The following RAB18 variants were observed in gnomAD, a reference collection of about 807,000 sequenced individuals.
RAB18 encodes RAB18, member RAS oncogene family.
RAB18 carries 10 observed loss-of-function variants against 28.5 expected under a neutral mutation model. The observed-to-expected ratio is 0.35, with a 90% CI of 0.22 to 0.60. RAB18 has a LOEUF of 0.60. Ranked by LOEUF, RAB18 falls within the 20% of genes least tolerant of loss-of-function variation. The pLI is 0.78. For missense variants in RAB18, 188 were observed against 244.2 expected (o/e 0.77, Z 1.53); for synonymous variants, 93 against 86.9 (o/e 1.07, Z -0.39).
At chr10:27,504,638 C>T (rs1172258685) in intron 1 of RAB18, 4 of 754,860 alleles carry the variant, frequency 5.3e-6, no homozygotes, top group South Asian at 4.4e-5. Flanking sequence ...TGGTTCCCGG[C>T]CTTTGCCAGG....
At chr10:27,537,599 TA>T (rs1196052211) in intron 6 of RAB18, among the ~76,000 whole-genome samples, 1 of 152,238 alleles carries the variant, frequency 6.6e-6, no homozygotes, top group Non-Finnish European at 1.5e-5. Flanking sequence ...GCTATTTAAG[TA>T]GGGCTTTACA....
chr10:27,507,886 T>TAAA (rs2138965781), intron 1 of RAB18, among the ~76,000 whole-genome samples: 1 of 151,364 alleles, frequency 6.6e-6, no homozygotes, highest in Non-Finnish European at 1.5e-5. Context: ...AAAATAAAAA[T>TAAA]AAAAAAATTA....
At chr10:27,507,077 T>G (rs1837860851) in intron 1 of RAB18, among the ~76,000 whole-genome samples, 1 of 152,208 alleles carries the variant, frequency 6.6e-6, no homozygotes, top group South Asian at 2.1e-4. Context: ...TAGAAGTCTA[T>G]GCCTTTTAAA....
intron 2 of RAB18, among the ~76,000 whole-genome samples, chr10:27,521,898 G>A (rs933164904): frequency 1.3e-5 from 2 of 151,986 alleles, no homozygotes; most frequent in African/African-American, 2.4e-5. Context: ...AAAAACAAGA[G>A]GGTGATGTGC....
intron 2 of RAB18, among the ~76,000 whole-genome samples, chr10:27,511,276 C>A (rs1366386559): frequency 2.6e-5 from 4 of 152,178 alleles, no homozygotes; most frequent in Non-Finnish European, 5.9e-5. Flanking sequence ...CAACTCAGCT[C>A]AGTGCAACCT....
rs541866562 is a variant in RAB18, at chr10:27,531,311, G to A, written c.187-1196G>A. The stretch of plus-strand genomic sequence containing the variant: ...TTTCCTCTTAAGTTTCTCTTCTGGG[G>A]TTATAAATGACTGCAGATCCTCCCT... On this transcript the variant is annotated intron_variant, in intron 3 of 6. Transcript: ENST00000356940. 5.3e-5 allele frequency among the ~76,000 whole-genome samples: 8 copies of A among 152,038 alleles called. No individual in the cohort carries two copies. In the South Asian group the frequency reaches 1.7e-3, roughly 32 times the overall value.
intron 2 of RAB18, among the ~76,000 whole-genome samples, chr10:27,521,943 G>A (rs1290085474): frequency 6.6e-6 from 1 of 152,044 alleles, no homozygotes; most frequent in Non-Finnish European, 1.5e-5. Context: ...GGAGACGCAT[G>A]GAAGCTCCGT....
Position 27,509,605 on chromosome 10 carries a change from A to C in RAB18, c.69-270A>C. On this transcript the variant is annotated intron_variant, in intron 1 of 6. Transcript: ENST00000356940. ...CAGTTAAAAAACAACTACAACAAAA[A>C]CCCCCACCTTTTGTACTTGGGGGAT... Among the ~76,000 whole-genome samples, 3 of 151,916 alleles carry C rather than the reference A, an allele frequency of 2.0e-5. No individual in the cohort carries two copies. The East Asian group carries it at 5.8e-4, about 29-fold the overall frequency.
In RAB18 at chr10:27,533,886, A is replaced by G. The variant is rs370486903; in HGVS notation, c.378+33A>G. The G allele has an allele frequency of 1.1e-4, 169 of 1,609,228 alleles. No individual in the cohort carries two copies. The African/African-American group carries it at 1.8e-3, about 17-fold the overall frequency. The stretch of plus-strand genomic sequence containing the variant: ...GGCAGACACTTGGCATTTTGGTTCT[A>G]TATTTTGGTAGCCTTTCTTAATCAT... On this transcript the variant is annotated intron_variant, in intron 5 of 6. Transcript: ENST00000356940.
At position 27,508,018 on chromosome 10, in the gene RAB18, TA is replaced by T. The variant is rs1013067334; in HGVS notation, c.69-1839del. 6.7e-3 allele frequency among the ~76,000 whole-genome samples: 908 copies of T among 135,838 alleles called. 7 individuals carry two copies. The highest frequency in any genetic ancestry group is 0.02 in the East Asian group (94 of 4,726). The allele number at this position is 135,838 out of a possible 152,430, so 89.1% of individuals were successfully genotyped here. On this transcript the variant is annotated intron_variant, in intron 1 of 6. Transcript: ENST00000356940. ...GGTGACAGAGTGAGACCCTCTCTCT[TA>T]AAAAAAAAAAAAAAAAAGTGTGCTT...
chr10:27,525,726 A>G (rs12783484), intron 2 of RAB18, among the ~76,000 whole-genome samples: 19 of 152,190 alleles, frequency 1.2e-4, no homozygotes, highest in Non-Finnish European at 2.2e-4. Flanking sequence ...TATTTGGTAT[A>G]CAGAAAGACC....
chr10:27,504,369 G>C lies in RAB18; in HGVS notation c.-1G>C. 6.4e-7 allele frequency: 1 copy of C among 1,574,034 alleles called. No individual in the cohort carries two copies. Among genetic ancestry groups the C allele is most frequent in the East Asian group, 2.3e-5 (1 of 43,508 alleles). ...TGGGCTCGGAGCGGAACGGGGTCAG[G>C]ATGGACGAGGACGTGCTAACCACCC... On this transcript the variant is annotated 5_prime_UTR_variant, in exon 1 of 7. Coordinates refer to ENST00000356940, the MANE Select transcript of RAB18 (RefSeq NM_021252.5).
chr10:27,528,829 C>A (rs987777623), intron 3 of RAB18, among the ~76,000 whole-genome samples: 3 of 151,936 alleles, frequency 2.0e-5, no homozygotes, highest in Non-Finnish European at 4.4e-5. Flanking sequence ...TATACTCCCA[C>A]CAATTGTATT....
At chr10:27,516,645 G>C (rs1184680866) in intron 2 of RAB18, among the ~76,000 whole-genome samples, 2 of 151,856 alleles carry the variant, frequency 1.3e-5, no homozygotes, top group African/African-American at 2.4e-5. Flanking sequence ...GAAGGCTGGG[G>C]CTAAATCCAG....
Position 27,540,902 on chromosome 10 carries a change from A to G in RAB18, c.*2851A>G, listed in dbSNP as rs985638529. ...GGGTGGGGCTAGCACCATAGCTCAT[A>G]AAAGAATCCTTCTTACACCAGTACT... is the stretch of plus-strand genomic sequence containing the variant. On this transcript the variant is annotated 3_prime_UTR_variant, in exon 7 of 7. Transcript: ENST00000356940. 8.8e-6 allele frequency: 4 copies of G among 453,992 alleles called. No individual in the cohort carries two copies. The highest frequency in any genetic ancestry group is 6.0e-5 in the African/African-American group (3 of 50,012). 28.1% of individuals were successfully genotyped at this position (453,992 alleles called of 1,614,324 possible).
At chr10:27,537,550 T>A (rs1363863381) in intron 6 of RAB18, among the ~76,000 whole-genome samples, 2 of 152,232 alleles carry the variant, frequency 1.3e-5, no homozygotes, top group Non-Finnish European at 2.9e-5. Context: ...GAGCAAGTTG[T>A]AAGAGTTAAC....
rs901164690 is a variant in RAB18, at chr10:27,539,558, T to C, written c.*1507T>C. ...ATATACAAGATTTACTACTAGAAAT[T>C]TGGAGAAAGAACACTAACACATGTA... On this transcript the variant is annotated 3_prime_UTR_variant, in exon 7 of 7. Coordinates refer to ENST00000356940, the MANE Select transcript of RAB18 (RefSeq NM_021252.5). 9.7e-6 allele frequency: 4 copies of C among 413,526 alleles called. No homozygotes were observed. The highest frequency in any genetic ancestry group is 1.8e-5 in the South Asian group (1 of 56,322). 25.6% of individuals were successfully genotyped at this position (413,526 alleles called of 1,614,324 possible).
intron 6 of RAB18, among the ~76,000 whole-genome samples, chr10:27,535,388 T>G (rs2132411187): frequency 6.6e-6 from 1 of 152,282 alleles, no homozygotes; most frequent in African/African-American, 2.4e-5. Context: ...AGGGAGATCA[T>G]CTCAGGCTGA....
rs1190683846 is a variant in RAB18 at position 27,540,427 on chromosome 10, C to T, written c.*2376C>T. The T allele has an allele frequency of 2.2e-6, 1 of 454,066 alleles. No homozygotes were observed. The highest frequency in any genetic ancestry group is 1.6e-5 in the South Asian group (1 of 64,474). 28.1% of individuals were successfully genotyped at this position (454,066 alleles called of 1,614,324 possible). Reference sequence around the variant, plus strand: ...TCATTTTACAATGGGTAGTTAGTTACCAGCTTTTTGTAACACAACCAAGTT... The same window carrying T: ...TCATTTTACAATGGGTAGTTAGTTATCAGCTTTTTGTAACACAACCAAGTT... On this transcript the variant is annotated 3_prime_UTR_variant, in exon 7 of 7. Transcript: ENST00000356940.
Sources: gnomAD v4.1 joint callset for allele counts (sites outside exome capture counted in the v4.1 genomes callset) on GRCh38, gnomAD v4.1.1 for gene constraint, MANE v1.5 for transcripts, NCBI Gene and HGNC (gene_info 2026-07-23, HGNC 2026-07-21) for gene names.